SWT1: variants seen among roughly 807,000 people sequenced by gnomAD.
SWT1 encodes SWT1 RNA endoribonuclease homolog, also known as transcriptional protein SWT1.
A neutral mutation model predicts 107.3 loss-of-function variants in SWT1; 33 were observed. The ratio of observed to expected loss-of-function variants is 0.31; its 90% CI spans 0.23 to 0.41. The LOEUF is 0.41. Among genes scored for constraint, SWT1 ranks in the 10% least tolerant of loss-of-function variants. The probability of loss-of-function intolerance (pLI) is 1.00; values close to 1 mark genes in which losing one functional copy is unlikely to be tolerated. For synonymous variants in SWT1, 345 were observed against 348.3 expected (o/e 0.99, Z 0.11); for missense variants, 898 against 1,028.9 (o/e 0.87, Z 1.74).
intron 15 of SWT1, among the ~76,000 whole-genome samples, chr1:185,226,287 C>G (rs989100054): frequency 7.2e-5 from 11 of 152,086 alleles, no homozygotes; most frequent in African/African-American, 2.4e-4. Flanking sequence ...CTTATTAATA[C>G]ATATTTATTT....
intron 16 of SWT1, among the ~76,000 whole-genome samples, chr1:185,248,357 C>T (rs1661759543): frequency 6.6e-6 from 1 of 152,146 alleles, no homozygotes; most frequent in Non-Finnish European, 1.5e-5. Context: ...CATGGATTTT[C>T]AGAGAAGTTG....
chr1:185,202,570 C>G (rs1398086258), intron 10 of SWT1, 84 bp from the exon 11 acceptor site: 4 of 1,186,912 alleles, frequency 3.4e-6, no homozygotes, highest in Non-Finnish European at 4.8e-6. Flanking sequence ...CTGCCTCTGA[C>G]TAGATCTCAT....
In SWT1 at chr1:185,160,008, G is replaced by A. The variant is rs1329146544; in HGVS notation, c.-9-825G>A. Among the ~76,000 whole-genome samples the A allele has an allele frequency of 3.3e-5, 5 of 152,134 alleles. No homozygotes were observed. In the East Asian group the frequency reaches 7.7e-4, roughly 23 times the overall value. ...CAAAGTATTGGGATTACAGTGAGCCGTGGTGCCCAGCCACAAGATATATTT... is the reference window on the plus strand; with the variant it reads ...CAAAGTATTGGGATTACAGTGAGCCATGGTGCCCAGCCACAAGATATATTT... On this transcript the variant is annotated intron_variant, in intron 1 of 18. Coordinates refer to ENST00000367500, the MANE Select transcript of SWT1 (RefSeq NM_017673.7).
intron 1 of SWT1, among the ~76,000 whole-genome samples, chr1:185,158,295 C>CA (rs1448423976): frequency 2.0e-5 from 3 of 151,822 alleles, no homozygotes; most frequent in Admixed American, 2.0e-4. Context: ...AACCTCTCCC[C>CA]AGTTTAATGG....
At position 185,264,530 on chromosome 1, in the gene SWT1, C is replaced by T. The variant is rs138352430; in HGVS notation, c.2442-6793C>T. ...ATATTTTATTGGGCCAAGAATTTTT[C>T]CAAGTATGTTACCTATGTTAACTCA... On this transcript the variant is annotated intron_variant, in intron 16 of 18. Coordinates refer to ENST00000367500, the MANE Select transcript of SWT1 (RefSeq NM_017673.7). 3.1e-4 allele frequency: 265 copies of T among 868,140 alleles called. No homozygotes were observed. In the African/African-American group the frequency reaches 4.3e-3, roughly 14 times the overall value. 53.8% of individuals were successfully genotyped at this position (868,140 alleles called of 1,614,324 possible). A position where few individuals can be genotyped will look rare whatever the true frequency, so the allele number is the denominator to read the frequency against.
intron 10 of SWT1, among the ~76,000 whole-genome samples, chr1:185,199,939 G>C (rs1417877364): frequency 6.6e-6 from 1 of 151,978 alleles, no homozygotes; most frequent in Non-Finnish European, 1.5e-5. Context: ...GGCTTTGTTT[G>C]TTCCTTTTTA....
rs369338990 is a variant in SWT1 at position 185,211,850 on chromosome 1, T to G, written c.1973-2657T>G. On this transcript the variant is annotated intron_variant, in intron 13 of 18. Coordinates refer to ENST00000367500, the MANE Select transcript of SWT1 (RefSeq NM_017673.7). ...GACTGGATTAAGAAAATGTGGCACA[T>G]ATACACCATGGAATACTATGCAGCC... 1.8e-3 allele frequency among the ~76,000 whole-genome samples: 271 copies of G among 152,244 alleles called. 2 individuals carry two copies. The highest frequency in any genetic ancestry group is 6.2e-3 in the African/African-American group (259 of 41,552).
rs115440955 is a variant in SWT1 at position 185,258,272 on chromosome 1, C to T, written c.2442-13051C>T. ...CTTAGAACACTTTGAGTTCTGATCT[C>T]CATCCTCTCATCTTTCCTCTCCTTA... On this transcript the variant is annotated intron_variant, in intron 16 of 18. Coordinates refer to ENST00000367500, the MANE Select transcript of SWT1 (RefSeq NM_017673.7). Among the ~76,000 whole-genome samples the T allele has an allele frequency of 8.9e-3, 1,350 of 152,020 alleles. 17 individuals carry two copies. The highest frequency in any genetic ancestry group is 0.029 in the African/African-American group (1,216 of 41,474).
chr1:185,191,219 C>T (rs1469057157), intron 10 of SWT1, among the ~76,000 whole-genome samples: 1 of 151,854 alleles, frequency 6.6e-6, no homozygotes, highest in Admixed American at 6.6e-5. Context: ...ATAGTAAGAT[C>T]TCAGTAAGTT....
At chr1:185,278,455 A>C (rs1298448630) in intron 18 of SWT1, among the ~76,000 whole-genome samples, 2 of 152,152 alleles carry the variant, frequency 1.3e-5, no homozygotes, top group Admixed American at 6.5e-5. Context: ...TAAGCTCCCC[A>C]ATCTAAGATA....
intron 14 of SWT1, among the ~76,000 whole-genome samples, chr1:185,214,953 C>T (rs752322238): frequency 6.6e-6 from 1 of 152,052 alleles, no homozygotes; most frequent in Non-Finnish European, 1.5e-5. Flanking sequence ...GTGCCCTAGG[C>T]CAGTGGATCT....
At chr1:185,281,500 G>T (rs1156872094) in intron 18 of SWT1, 2 of 188,272 alleles carry the variant, frequency 1.1e-5, no homozygotes, top group South Asian at 2.0e-4. Flanking sequence ...TAAAAGTAGC[G>T]ACAGGCAAGC....
intron 15 of SWT1, among the ~76,000 whole-genome samples, chr1:185,228,200 T>TATATATATATATATAC (rs1235462995): frequency 6.9e-6 from 1 of 144,958 alleles, no homozygotes; most frequent in East Asian, 2.0e-4. Flanking sequence ...CATATATATA[T>TATATATATATATATAC]ACTCAGTATG....
At chr1:185,169,072 T>C (rs1654826015) in intron 4 of SWT1, among the ~76,000 whole-genome samples, 2 of 152,140 alleles carry the variant, frequency 1.3e-5, no homozygotes, top group East Asian at 3.8e-4. Flanking sequence ...AAGCTCTGCT[T>C]CCCAAACAAT....
At position 185,274,721 on chromosome 1, in the gene SWT1, C is replaced by G. The variant is rs181682621; in HGVS notation, c.2509-1883C>G. On this transcript the variant is annotated intron_variant, in intron 17 of 18. Coordinates refer to ENST00000367500, the MANE Select transcript of SWT1 (RefSeq NM_017673.7). ...TTCACAATTCGTTTTATAGTCACAA[C>G]TCTAATGTTTGCTGACAGTGGCATG... Among the ~76,000 whole-genome samples the G allele has an allele frequency of 1.4e-3, 219 of 152,242 alleles. 1 individual carries two copies. Among genetic ancestry groups the G allele is most frequent in the Admixed American group, 3.7e-3 (57 of 15,288 alleles).
At chr1:185,201,206 C>T (rs766056348) in intron 10 of SWT1, among the ~76,000 whole-genome samples, 2 of 152,050 alleles carry the variant, frequency 1.3e-5, no homozygotes, top group African/African-American at 2.4e-5. Flanking sequence ...CTGAGATCCA[C>T]GGAGCTAGAC....
At chr1:185,236,805 A>G (rs1162330645) in intron 16 of SWT1, among the ~76,000 whole-genome samples, 1 of 152,196 alleles carries the variant, frequency 6.6e-6, no homozygotes, top group African/African-American at 2.4e-5. Context: ...AAATTTTTGC[A>G]ATCTATCCAT....
At chr1:185,233,826 C>T (rs904571856) in intron 16 of SWT1, among the ~76,000 whole-genome samples, 5 of 152,186 alleles carry the variant, frequency 3.3e-5, no homozygotes, top group African/African-American at 9.7e-5. Context: ...TCACTGCAAG[C>T]TCCGCCTCCT....
chr1:185,161,886 G>A (rs1429186802), intron 2 of SWT1, among the ~76,000 whole-genome samples: 1 of 152,128 alleles, frequency 6.6e-6, no homozygotes, highest in Non-Finnish European at 1.5e-5. Flanking sequence ...TTTATGCTGT[G>A]TTACTGTGCA....
Sources: allele counts gnomAD v4.1 joint callset (sites outside exome capture counted in the v4.1 genomes callset), GRCh38; gene constraint gnomAD v4.1.1; transcripts MANE v1.5; gene names NCBI Gene and HGNC (gene_info 2026-07-23, HGNC 2026-07-21).